The following EXOC4 variants were observed in gnomAD, a reference collection of about 807,000 sequenced individuals.
The protein encoded by EXOC4 is exocyst complex component 4.
EXOC4 carries 71 observed loss-of-function variants against 107.2 expected under a neutral mutation model. The ratio of observed to expected loss-of-function variants is 0.66; its 90% CI spans 0.55 to 0.81. The LOEUF is 0.81. Among genes scored for constraint, EXOC4 ranks in the 30% least tolerant of loss-of-function variants. The pLI is 0.00. For missense variants in EXOC4, 1,108 were observed against 1,189.6 expected (o/e 0.93, Z 1.01); for synonymous variants, 456 against 441.2 (o/e 1.03, Z -0.42).
intron 15 of EXOC4, among the ~76,000 whole-genome samples, chr7:134,004,186 T>A (rs995894599): frequency 1.3e-5 from 2 of 152,174 alleles, no homozygotes; most frequent in African/African-American, 4.8e-5. Context: ...GCACAATTTC[T>A]TACAAATTCA....
At chr7:133,344,590 A>G (rs1457879224) in intron 5 of EXOC4, among the ~76,000 whole-genome samples, 1 of 152,116 alleles carries the variant, frequency 6.6e-6, no homozygotes, top group African/African-American at 2.4e-5. Context: ...TCTTTTAGCC[A>G]TCCAATAGCC....
intron 5 of EXOC4, among the ~76,000 whole-genome samples, chr7:133,343,028 G>T (rs558395722): frequency 1.3e-5 from 2 of 152,206 alleles, no homozygotes; most frequent in African/African-American, 4.8e-5. Flanking sequence ...TGTCAATTCA[G>T]TGATTTCTGC....
rs967759934 is a variant in EXOC4, at chr7:133,484,707, A to C, written c.1417+4569A>C. Among the ~76,000 whole-genome samples, 18 of 152,230 alleles carry C rather than the reference A, an allele frequency of 1.2e-4. No homozygotes were observed. The South Asian group carries it at 3.5e-3, about 30-fold the overall frequency. The stretch of plus-strand genomic sequence containing the variant: ...GTTGTGACTATTAACTTAAATATTA[A>C]ATTATTAGTATTAGAAATTTCTAAA... On this transcript the variant is annotated intron_variant, in intron 9 of 17. Coordinates refer to ENST00000253861, the MANE Select transcript of EXOC4 (RefSeq NM_021807.4).
intron 5 of EXOC4, among the ~76,000 whole-genome samples, chr7:133,344,740 AT>A (rs1487409300): frequency 2.0e-5 from 3 of 152,154 alleles, no homozygotes; most frequent in Admixed American, 2.0e-4. Flanking sequence ...CCTTTTTAGT[AT>A]TTTGAAACTT....
At chr7:133,628,084 G>C (rs34323853) in intron 9 of EXOC4, among the ~76,000 whole-genome samples, 3 of 151,676 alleles carry the variant, frequency 2.0e-5, no homozygotes, top group Admixed American at 2.0e-4. Context: ...GTTTAATTTA[G>C]AAGAAGGAAA....
chr7:134,030,511 G>A (rs1202735070), intron 17 of EXOC4, among the ~76,000 whole-genome samples: 3 of 152,252 alleles, frequency 2.0e-5, no homozygotes, highest in African/African-American at 4.8e-5. Context: ...CTAACAATGC[G>A]GCTAGAGGAC....
intron 9 of EXOC4, among the ~76,000 whole-genome samples, chr7:133,625,087 A>G (rs1372327765): frequency 1.3e-5 from 2 of 152,256 alleles, no homozygotes; most frequent in Admixed American, 1.3e-4. Context: ...CATGTTTTAC[A>G]CATTTGTTGT....
At chr7:133,472,124 A>C (rs933268634) in intron 7 of EXOC4, among the ~76,000 whole-genome samples, 23 of 152,194 alleles carry the variant, frequency 1.5e-4, no homozygotes, top group African/African-American at 5.5e-4. Flanking sequence ...CGTTTGAGAG[A>C]ATAAGATACG....
intron 11 of EXOC4, among the ~76,000 whole-genome samples, chr7:133,871,440 A>G (rs915479243): frequency 2.0e-5 from 3 of 152,012 alleles, no homozygotes; most frequent in Admixed American, 1.3e-4. Flanking sequence ...ATTGTGAGCC[A>G]CACCAATTAC....
rs28402091 is a variant in EXOC4, at chr7:133,498,477, C to T, written c.1417+18339C>T. 9.9e-4 allele frequency among the ~76,000 whole-genome samples: 151 copies of T among 152,192 alleles called. 1 individual carries two copies. Among genetic ancestry groups the T allele is most frequent in the African/African-American group, 3.3e-3 (136 of 41,532 alleles). ...GCAGGCACCTGTAGTCCCAGCTACTCGGGAGGCTGAGGCAGGAGAGTGGTG... is the reference window on the plus strand; with the variant it reads ...GCAGGCACCTGTAGTCCCAGCTACTTGGGAGGCTGAGGCAGGAGAGTGGTG... On this transcript the variant is annotated intron_variant, in intron 9 of 17. Transcript: ENST00000253861.
chr7:134,092,950 A>C, the EXOC4 span, among the ~76,000 whole-genome samples: 1 of 148,968 alleles, frequency 6.7e-6, no homozygotes, highest in Non-Finnish European at 1.5e-5. Context: ...GAAACCAAAG[A>C]ATGATACCTA....
chr7:133,271,076 G>A (rs1456157716), intron 1 of EXOC4, among the ~76,000 whole-genome samples: 1 of 151,864 alleles, frequency 6.6e-6, no homozygotes, highest in Non-Finnish European at 1.5e-5. Context: ...GGGCCATTGC[G>A]CCTGGCTAAT....
chr7:133,433,319 G>A (rs568793907), intron 7 of EXOC4, among the ~76,000 whole-genome samples: 10 of 152,178 alleles, frequency 6.6e-5, no homozygotes, highest in African/African-American at 1.4e-4. Flanking sequence ...GGACTTGGTC[G>A]TGTGACTTGA....
intron 5 of EXOC4, among the ~76,000 whole-genome samples, chr7:133,344,015 C>T (rs1429200136): frequency 6.6e-6 from 1 of 152,002 alleles, no homozygotes; most frequent in Non-Finnish European, 1.5e-5. Flanking sequence ...TGGGGTCTCA[C>T]TATGTTGCCC....
At chr7:133,591,656 A>G (rs942439126) in intron 9 of EXOC4, among the ~76,000 whole-genome samples, 8 of 152,052 alleles carry the variant, frequency 5.3e-5, no homozygotes, top group African/African-American at 1.9e-4. Flanking sequence ...TTTGTAAAGA[A>G]TACATCTTTG....
chr7:133,872,393 T>C (rs1022376902), intron 11 of EXOC4, among the ~76,000 whole-genome samples: 6 of 152,138 alleles, frequency 3.9e-5, no homozygotes, highest in African/African-American at 1.4e-4. Context: ...ACAAGAGCCA[T>C]GGGGACAGAG....
chr7:133,469,618 A>C (rs2150839248), intron 7 of EXOC4, among the ~76,000 whole-genome samples: 1 of 152,328 alleles, frequency 6.6e-6, no homozygotes, highest in South Asian at 2.1e-4. Flanking sequence ...GTGAAGGAAC[A>C]AATACTCATT....
At chr7:133,801,570 GAAAT>G (rs1310052655) in intron 10 of EXOC4, among the ~76,000 whole-genome samples, 3 of 152,190 alleles carry the variant, frequency 2.0e-5, no homozygotes, top group Non-Finnish European at 4.4e-5. Flanking sequence ...GCTCTGCAGT[GAAAT>G]AATCCTCTAG....
intron 2 of EXOC4, among the ~76,000 whole-genome samples, chr7:133,280,396 A>T (rs1454739572): frequency 1.3e-5 from 2 of 152,186 alleles, no homozygotes; most frequent in Non-Finnish European, 2.9e-5. Flanking sequence ...ATACGAGTTG[A>T]TACAAATTGG....
Sources: gnomAD v4.1 joint callset for allele counts (sites outside exome capture counted in the v4.1 genomes callset) on GRCh38, gnomAD v4.1.1 for gene constraint, MANE v1.5 for transcripts, NCBI Gene and HGNC (gene_info 2026-07-23, HGNC 2026-07-21) for gene names.